Variants in DLGAP4 observed in about 807,000 individuals in gnomAD.
DLGAP4 encodes the protein disks large-associated protein 4.
In DLGAP4, 18 loss-of-function variants were observed where a neutral mutation model predicts 86.9. The observed-to-expected ratio is 0.21, with a 90% CI of 0.14 to 0.31. The LOEUF (loss-of-function observed/expected upper bound fraction) is 0.31. Ranked by LOEUF, DLGAP4 falls within the 10% of genes least tolerant of loss-of-function variation. DLGAP4 has a pLI of 1.00. For synonymous variants in DLGAP4, 548 were observed against 574.3 expected (o/e 0.95, Z 0.65); for missense variants, 1,085 against 1,362.6 (o/e 0.80, Z 3.21).
intron 2 of DLGAP4, among the ~76,000 whole-genome samples, chr20:36,391,127 C>T (rs1269264408): frequency 1.3e-5 from 2 of 152,140 alleles, no homozygotes; most frequent in South Asian, 4.1e-4. Context: ...GCCAGTGACT[C>T]AGATTGTGCC....
rs763859327 is a variant in DLGAP4, at chr20:36,446,804, C to T, written c.1515C>T (p.Tyr505=). The change falls in exon 7 of 13, where the codon TAC becomes TAT. Residue 505 remains tyrosine (Y), a synonymous_variant. Transcript: ENST00000339266. ...CGCTTGACTTGCCACTGCCCAGCTACTTCCGCTCCCGCAGCCACAGCTACC... is the reference window on the plus strand; with the variant it reads ...CGCTTGACTTGCCACTGCCCAGCTATTTCCGCTCCCGCAGCCACAGCTACC... ...AETLDLPLPS[Y]FRSRSHSYLR... is the part of the protein sequence containing the mutation. 12 of 1,612,638 alleles carry T rather than the reference C, an allele frequency of 7.4e-6. No homozygotes were observed. The highest frequency in any genetic ancestry group is 2.2e-5 in the East Asian group (1 of 44,880).
At chr20:36,331,821 G>A (rs1162485846) in intron 1 of DLGAP4, among the ~76,000 whole-genome samples, 5 of 152,150 alleles carry the variant, frequency 3.3e-5, no homozygotes, top group Non-Finnish European at 7.3e-5. Flanking sequence ...GGTCAGGGAG[G>A]GCCTCTCTGG....
chr20:36,328,162 G>C (rs2065234606), intron 1 of DLGAP4, among the ~76,000 whole-genome samples: 1 of 151,890 alleles, frequency 6.6e-6, no homozygotes, highest in African/African-American at 2.4e-5. Flanking sequence ...TGGTACCACT[G>C]CATTCCAGCC....
chr20:36,349,197 T>C (rs2030053183), intron 1 of DLGAP4, among the ~76,000 whole-genome samples: 1 of 139,568 alleles, frequency 7.2e-6, no homozygotes, highest in Admixed American at 7.4e-5. Context: ...GGCGGGTGGA[T>C]CCCGAGGTCA....
At chr20:36,307,383 C>A (rs2065014259) in intron 1 of DLGAP4, among the ~76,000 whole-genome samples, 1 of 152,176 alleles carries the variant, frequency 6.6e-6, no homozygotes, top group African/African-American at 2.4e-5. Context: ...TTTGGCCGAA[C>A]CTGCCGCTCC....
At chr20:36,364,986 T>G (rs1186631310) in intron 1 of DLGAP4, among the ~76,000 whole-genome samples, 1 of 152,154 alleles carries the variant, frequency 6.6e-6, no homozygotes, top group Non-Finnish European at 1.5e-5. Flanking sequence ...TCCCAGCTAC[T>G]CAGGAGGCTG....
chr20:36,428,231 A>G (rs181969077), intron 2 of DLGAP4, among the ~76,000 whole-genome samples: 6 of 152,356 alleles, frequency 3.9e-5, no homozygotes, highest in South Asian at 2.1e-4. Flanking sequence ...CACTTGCCAC[A>G]TGTGCTATTT....
chr20:36,373,874 T>TA (rs1249820371), intron 2 of DLGAP4, among the ~76,000 whole-genome samples: 1 of 151,768 alleles, frequency 6.6e-6, no homozygotes, highest in Non-Finnish European at 1.5e-5. Flanking sequence ...CTGTCTCTAC[T>TA]AAAAATACAA....
chr20:36,452,248 A>G (rs189884160), intron 7 of DLGAP4, among the ~76,000 whole-genome samples: 1 of 151,978 alleles, frequency 6.6e-6, no homozygotes, highest in Non-Finnish European at 1.5e-5. Context: ...GCATGGTCAT[A>G]GCTCACCATA....
intron 1 of DLGAP4, among the ~76,000 whole-genome samples, chr20:36,330,699 A>G (rs1027000144): frequency 6.6e-5 from 10 of 151,550 alleles, no homozygotes; most frequent in Non-Finnish European, 1.2e-4. Flanking sequence ...CAGCCTCCCG[A>G]GTAGCTGGGA....
intron 1 of DLGAP4, among the ~76,000 whole-genome samples, chr20:36,365,336 G>A (rs1449390806): frequency 6.6e-6 from 1 of 152,238 alleles, no homozygotes; most frequent in Non-Finnish European, 1.5e-5. Context: ...TCAAACACCG[G>A]TCTTTCCCGC....
chr20:36,340,985 C>T (rs2065374125), intron 1 of DLGAP4, among the ~76,000 whole-genome samples: 1 of 152,218 alleles, frequency 6.6e-6, no homozygotes, highest in Non-Finnish European at 1.5e-5. Context: ...CCTCCCCATG[C>T]TCCTCCTGGA....
intron 2 of DLGAP4, among the ~76,000 whole-genome samples, chr20:36,394,157 G>C (rs1472770503): frequency 1.3e-5 from 2 of 152,156 alleles, no homozygotes; most frequent in South Asian, 2.1e-4. Context: ...TCAGACTTTA[G>C]GTCAGACCTC....
At chr20:36,344,459 C>T (rs2065416185) in intron 1 of DLGAP4, among the ~76,000 whole-genome samples, 1 of 152,222 alleles carries the variant, frequency 6.6e-6, no homozygotes, top group South Asian at 2.1e-4. Context: ...GCCTCATCTG[C>T]ACTTGGTCTT....
rs144713967 is a variant in DLGAP4, at chr20:36,525,173, G to A, written c.2605-678G>A. Among the ~76,000 whole-genome samples the A allele has an allele frequency of 7.9e-3, 1,038 of 131,750 alleles. 12 individuals carry two copies. The highest frequency in any genetic ancestry group is 0.029 in the African/African-American group (990 of 34,218). The allele number at this position is 131,750 out of a possible 152,430, so 86.4% of individuals were successfully genotyped here. On this transcript the variant is annotated intron_variant, in intron 11 of 12. Transcript: ENST00000339266. ...GTGGAACTTGCAGTGAGCCGAGATC[G>A]CGTCACTGCATCCAGCCTGGGTGAC...
In DLGAP4 at chr20:36,333,050, T is replaced by C. The variant is rs1160459498; in HGVS notation, c.-304+26538T>C. Among the ~76,000 whole-genome samples, 5 of 152,314 alleles carry C rather than the reference T, an allele frequency of 3.3e-5. No homozygotes were observed. The East Asian group carries it at 9.6e-4, about 29-fold the overall frequency. ...TTTTTCTTCTTTCTCTCTCTTTTTTTACTAGCTAGTAAAAGGGAGATGCTA... is the reference window on the plus strand; with the variant it reads ...TTTTTCTTCTTTCTCTCTCTTTTTTCACTAGCTAGTAAAAGGGAGATGCTA... On this transcript the variant is annotated intron_variant, in intron 1 of 12. Transcript: ENST00000339266.
At chr20:36,378,782 C>G (rs1279821053) in intron 2 of DLGAP4, among the ~76,000 whole-genome samples, 1 of 151,946 alleles carries the variant, frequency 6.6e-6, no homozygotes, top group African/African-American at 2.4e-5. Flanking sequence ...GCAGGAGACG[C>G]TTGAGTGTCA....
rs1407051942 is a variant in DLGAP4 at position 36,528,175 on chromosome 20, C to CCCCCCCCCCG, written c.*1144_*1145insCCCCCCCCCG. The stretch of plus-strand genomic sequence containing the variant: ...TCTCCACCCCCCTCCCCCCGCCCCG[C>CCCCCCCCCCG]ACTCCTAAGGGCCCATCTGCCCAGC... On this transcript the variant is annotated 3_prime_UTR_variant, in exon 13 of 13. Transcript: ENST00000339266. The CCCCCCCCCCG allele has an allele frequency of 6.9e-6, 1 of 144,842 alleles. No individual in the cohort carries two copies. The highest frequency in any genetic ancestry group is 2.8e-5 in the African/African-American group (1 of 35,956). The allele number at this position is 144,842 out of a possible 1,614,324, so 9.0% of individuals were successfully genotyped here. A position where few individuals can be genotyped will look rare whatever the true frequency, so the allele number is the denominator to read the frequency against.
At chr20:36,387,081 C>T (rs548454239) in intron 2 of DLGAP4, among the ~76,000 whole-genome samples, 1 of 152,182 alleles carries the variant, frequency 6.6e-6, no homozygotes, top group Non-Finnish European at 1.5e-5. Flanking sequence ...GCAGGATTTT[C>T]TGTGTTAATA....
Sources: allele counts gnomAD v4.1 joint callset (sites outside exome capture counted in the v4.1 genomes callset), GRCh38; gene constraint gnomAD v4.1.1; transcripts MANE v1.5; gene names NCBI Gene and HGNC (gene_info 2026-07-23, HGNC 2026-07-21).